Variants in GREB1 observed in about 807,000 individuals in gnomAD.
GREB1 encodes protein GREB1.
In GREB1, 106 loss-of-function variants were observed where a neutral mutation model predicts 200.7. The ratio of observed to expected loss-of-function variants is 0.53; its 90% confidence interval spans 0.45 to 0.62. GREB1 has a LOEUF of 0.62. GREB1 is among the 20% of genes least tolerant of loss of function. GREB1 has a pLI of 0.00. For missense variants in GREB1, 2,243 were observed against 2,556.8 expected (o/e 0.88, Z 2.65); for synonymous variants, 1,132 against 1,092.4 (o/e 1.04, Z -0.72).
chr2:11,547,143 A>G (rs556667569), intron 1 of GREB1, among the ~76,000 whole-genome samples: 3 of 152,212 alleles, frequency 2.0e-5, no homozygotes, highest in Non-Finnish European at 2.9e-5. Flanking sequence ...GGGTTTCACC[A>G]TGTTGGCCAG....
chr2:11,618,772 C>G lies in GREB1; in HGVS notation c.3897C>G (p.Leu1299=). The change falls in exon 22 of 33, where the codon CTC becomes CTG. Residue 1299 remains leucine (L), a synonymous_variant. Coordinates refer to ENST00000381486, the MANE Select transcript of GREB1 (RefSeq NM_014668.4). ...GGGCCAGCTCTTTCCGCCCCCTGCT[C>G]AGCAAGACCATGACATCCACCGAGC... The part of the protein sequence containing the change: ...VMWASSFRPL[L]SKTMTSTEQS... The G allele has an allele frequency of 6.2e-7, 1 of 1,612,700 alleles. No individual in the cohort carries two copies. Among genetic ancestry groups the G allele is most frequent in the Non-Finnish European group, 8.5e-7 (1 of 1,179,900 alleles).
intron 10 of GREB1, chr2:11,592,185 T>TTA: frequency 4.6e-6 from 3 of 649,364 alleles, no homozygotes; most frequent in Middle Eastern, 7.8e-4. Context: ...ACTTTTTTTT[T>TTA]TCTTTTTTTT....
chr2:11,589,301 A>G (rs1680493765), intron 10 of GREB1, among the ~76,000 whole-genome samples: 1 of 152,304 alleles, frequency 6.6e-6, no homozygotes, highest in Middle Eastern at 3.4e-3. Flanking sequence ...GTGTGTTTGT[A>G]TGGGGTCAGT....
chr2:11,600,287 A>T (rs747757929), intron 15 of GREB1, among the ~76,000 whole-genome samples: 1 of 152,134 alleles, frequency 6.6e-6, no homozygotes, highest in African/African-American at 2.4e-5. Context: ...GAGAATGCAA[A>T]GGCCTTTGTC....
rs539702598 is a variant in GREB1 at position 11,641,170 on chromosome 2, G to A, written c.*716G>A. The A allele has an allele frequency of 3.3e-5, 5 of 152,024 alleles. No homozygotes were observed. The highest frequency in any genetic ancestry group is 1.2e-4 in the African/African-American group (5 of 41,486). The allele number at this position is 152,024 out of a possible 1,614,324, so 9.4% of individuals were successfully genotyped here. ...GGGGGAGTTGGCGGGGAGGAAATAA[G>A]GCTAACAGAGGTTGACCTAAAATTA... On this transcript the variant is annotated 3_prime_UTR_variant, in exon 33 of 33. Transcript: ENST00000381486.
At chr2:11,638,861 C>A (rs781074630) in intron 32 of GREB1, 52 bp downstream of exon 32, 11 of 1,587,018 alleles carry the variant, frequency 6.9e-6, no homozygotes, top group Non-Finnish European at 8.6e-6. Flanking sequence ...CTGTAGTCAC[C>A]GGGTACCCTG....
chr2:11,615,382 C>A, intron 20 of GREB1, 92 bp downstream of exon 20: 2 of 1,122,558 alleles, frequency 1.8e-6, no homozygotes, highest in Non-Finnish European at 1.3e-6. Context: ...ATGGAGACAG[C>A]TGTCTCCAGT....
At chr2:11,521,581 G>A (rs757255104) in intron 1 of GREB1, among the ~76,000 whole-genome samples, 6 of 152,020 alleles carry the variant, frequency 3.9e-5, no homozygotes, top group South Asian at 2.1e-4. Flanking sequence ...CTATAAACTC[G>A]GCTGTTTCAC....
chr2:11,564,867 A>G (rs1003021639), intron 3 of GREB1, among the ~76,000 whole-genome samples: 16 of 152,236 alleles, frequency 1.1e-4, no homozygotes, highest in Non-Finnish European at 2.4e-4. Context: ...CCTGACAATC[A>G]TGGTGGAAGG....
intron 7 of GREB1, 104 bp from the exon 8 acceptor site, chr2:11,585,057 A>AC (rs1679934246): frequency 1.7e-6 from 1 of 573,766 alleles, no homozygotes; most frequent in Non-Finnish European, 2.9e-6. Flanking sequence ...TGATTAGAAA[A>AC]AAAAAAACAA....
At chr2:11,614,988 A>G in intron 19 of GREB1, 103 bp from the exon 20 acceptor site, 1 of 853,168 alleles carries the variant, frequency 1.2e-6, no homozygotes, top group South Asian at 1.5e-5. Flanking sequence ...GGTCCTCACC[A>G]GGAAGGTGGG....
At chr2:11,523,345 G>A (rs1044780909) in intron 1 of GREB1, among the ~76,000 whole-genome samples, 2 of 152,084 alleles carry the variant, frequency 1.3e-5, no homozygotes, top group African/African-American at 2.4e-5. Context: ...GAGTTTACCT[G>A]TATAACAAAC....
chr2:11,586,913 G>GT (rs1233793108), intron 9 of GREB1, among the ~76,000 whole-genome samples: 1 of 152,218 alleles, frequency 6.6e-6, no homozygotes, highest in African/African-American at 2.4e-5. Flanking sequence ...TGTTGTGTGT[G>GT]TTTTTTTACG....
intron 1 of GREB1, among the ~76,000 whole-genome samples, chr2:11,527,282 G>A (rs1258378816): frequency 1.3e-5 from 2 of 152,186 alleles, no homozygotes; most frequent in African/African-American, 2.4e-5. Context: ...TAGAAAGAAA[G>A]AGGCATGTCA....
rs532602817 is a variant in GREB1, at chr2:11,582,311, C to T, written c.901+1479C>T. Among the ~76,000 whole-genome samples the T allele has an allele frequency of 1.2e-4, 19 of 152,316 alleles. 2 individuals are homozygous for T. In the South Asian group the frequency reaches 3.7e-3, roughly 30 times the overall value. Reference sequence around the variant, plus strand: ...CCGTGGAGGGGTGTGGGAGATGGAGCTCCTCCAAATTGCCTAGGGGAACAC... The same window carrying T: ...CCGTGGAGGGGTGTGGGAGATGGAGTTCCTCCAAATTGCCTAGGGGAACAC... On this transcript the variant is annotated intron_variant, in intron 7 of 32. Coordinates refer to ENST00000381486, the MANE Select transcript of GREB1 (RefSeq NM_014668.4).
At chr2:11,599,220 A>G (rs1467844397) in intron 15 of GREB1, among the ~76,000 whole-genome samples, 1 of 152,052 alleles carries the variant, frequency 6.6e-6, no homozygotes, top group African/African-American at 2.4e-5. Flanking sequence ...ACAAGGAGCC[A>G]TGCTGGTGTG....
intron 3 of GREB1, among the ~76,000 whole-genome samples, chr2:11,565,534 T>C (rs1487123039): frequency 6.6e-6 from 1 of 152,218 alleles, no homozygotes; most frequent in Non-Finnish European, 1.5e-5. Flanking sequence ...TGGGGCTGGG[T>C]GTGCCCTTAC....
rs1032560563 is a variant in GREB1 at position 11,629,716 on chromosome 2, C to A, written c.4450-232C>A. 1.3e-5 allele frequency among the ~76,000 whole-genome samples: 2 copies of A among 152,134 alleles called. No individual in the cohort carries two copies. Among genetic ancestry groups the A allele is most frequent in the Non-Finnish European group, 2.9e-5 (2 of 68,018 alleles). ...TGGCACAGCAGGGTGAGGCCCCATGCGGACTGAGGATGGGAGCAGGCTCTC... is the reference window on the plus strand; with the variant it reads ...TGGCACAGCAGGGTGAGGCCCCATGAGGACTGAGGATGGGAGCAGGCTCTC... On this transcript the variant is annotated intron_variant, in intron 25 of 32. Coordinates refer to ENST00000381486, the MANE Select transcript of GREB1 (RefSeq NM_014668.4). The surrounding 1 kb of genome is among the most constrained non-coding windows in gnomAD (Gnocchi z 5.2).
chr2:11,508,891 T>TTTTTTTTTC (rs1673261415), intron 1 of GREB1, among the ~76,000 whole-genome samples: 1 of 143,698 alleles, frequency 7.0e-6, no homozygotes, highest in African/African-American at 2.5e-5. Context: ...TTTTTTTTTT[T>TTTTTTTTTC]CGGGACAGAG....
Sources: allele counts gnomAD v4.1 joint callset (sites outside exome capture counted in the v4.1 genomes callset), GRCh38; gene constraint gnomAD v4.1.1; non-coding constraint Gnocchi (gnomAD v3.1); transcripts MANE v1.5; gene names NCBI Gene and HGNC (gene_info 2026-07-23, HGNC 2026-07-21).